The following RHOBTB1 variants were observed in gnomAD, a reference collection of about 807,000 sequenced individuals.
The protein encoded by RHOBTB1 is rho-related BTB domain-containing protein 1.
RHOBTB1 carries 40 observed loss-of-function variants against 71.6 expected under a neutral mutation model. That is an observed-to-expected ratio of 0.56 (90% CI 0.43 to 0.73). RHOBTB1 has a LOEUF of 0.73. Among genes scored for constraint, RHOBTB1 ranks in the 30% least tolerant of loss-of-function variants. The pLI is 0.00. For synonymous variants in RHOBTB1, 319 were observed against 334.9 expected (o/e 0.95, Z 0.52); for missense variants, 797 against 894.0 (o/e 0.89, Z 1.38).
chr10:60,930,914 C>G (rs564916083), intron 2 of RHOBTB1, among the ~76,000 whole-genome samples: 16 of 152,056 alleles, frequency 1.1e-4, no homozygotes, highest in Admixed American at 9.8e-4. Flanking sequence ...GGGACCTGCC[C>G]TTTTTTAAGG....
intron 2 of RHOBTB1, among the ~76,000 whole-genome samples, chr10:60,929,716 T>C (rs964370448): frequency 1.1e-4 from 16 of 151,962 alleles, no homozygotes; most frequent in African/African-American, 3.9e-4. Flanking sequence ...AAAAAGCATA[T>C]AATAAAATGA....
intron 1 of RHOBTB1, among the ~76,000 whole-genome samples, chr10:60,989,364 A>G (rs930154407): frequency 1.6e-4 from 24 of 152,186 alleles, no homozygotes; most frequent in African/African-American, 5.3e-4. Context: ...TTCATTGCAT[A>G]AGTATATTTT....
intron 2 of RHOBTB1, among the ~76,000 whole-genome samples, chr10:60,978,804 T>C (rs1395666857): frequency 6.6e-6 from 1 of 152,182 alleles, no homozygotes; most frequent in Admixed American, 6.5e-5. Context: ...ACAAAACCTG[T>C]AATCCACTCA....
chr10:60,962,857 A>G (rs748152027), intron 2 of RHOBTB1, among the ~76,000 whole-genome samples: 2 of 152,114 alleles, frequency 1.3e-5, no homozygotes, highest in Non-Finnish European at 2.9e-5. Context: ...CAATACTGTG[A>G]TTTTACTACT....
At chr10:60,884,384 A>G (rs2081470233) in intron 7 of RHOBTB1, among the ~76,000 whole-genome samples, 1 of 152,202 alleles carries the variant, frequency 6.6e-6, no homozygotes, top group Non-Finnish European at 1.5e-5. Flanking sequence ...GGGTGGGTGT[A>G]CCCATGTTTT....
At chr10:60,892,573 A>C (rs1162931730) in intron 5 of RHOBTB1, among the ~76,000 whole-genome samples, 4 of 152,154 alleles carry the variant, frequency 2.6e-5, no homozygotes, top group East Asian at 3.9e-4. Flanking sequence ...TAATTAGAGA[A>C]TTTACTTCAA....
chr10:60,934,597 C>T (rs747066744), intron 2 of RHOBTB1, among the ~76,000 whole-genome samples: 8 of 152,290 alleles, frequency 5.3e-5, no homozygotes, highest in African/African-American at 1.2e-4. Context: ...TCTGATATAA[C>T]GGTTCATTGT....
intron 2 of RHOBTB1, among the ~76,000 whole-genome samples, chr10:60,916,173 T>G (rs948737411): frequency 1.3e-5 from 2 of 152,114 alleles, no homozygotes; most frequent in Non-Finnish European, 2.9e-5. Flanking sequence ...CTGTGTGAGG[T>G]CTAGAGTCTA....
intron 7 of RHOBTB1, among the ~76,000 whole-genome samples, chr10:60,884,105 G>A (rs1375123939): frequency 6.6e-6 from 1 of 152,168 alleles, no homozygotes; most frequent in African/African-American, 2.4e-5. Context: ...CTTTTGCTGG[G>A]GGGTTGGTTT....
At chr10:60,877,529 A>T (rs1331337249) in intron 8 of RHOBTB1, among the ~76,000 whole-genome samples, 1 of 152,234 alleles carries the variant, frequency 6.6e-6, no homozygotes, top group Admixed American at 6.5e-5. Flanking sequence ...TAAACAGTGC[A>T]TCTACTGCCT....
At chr10:60,976,705 T>C (rs1313334438) in intron 2 of RHOBTB1, among the ~76,000 whole-genome samples, 1 of 152,004 alleles carries the variant, frequency 6.6e-6, no homozygotes, top group African/African-American at 2.4e-5. Context: ...GTAGATCTAA[T>C]GTAATGGGTT....
chr10:60,989,074 T>A (rs2086768885), intron 1 of RHOBTB1, among the ~76,000 whole-genome samples: 1 of 152,210 alleles, frequency 6.6e-6, no homozygotes, highest in Admixed American at 6.5e-5. Context: ...CAAATATCAC[T>A]GTGAAAGGCT....
At chr10:60,950,127 C>G (rs1480632095) in intron 2 of RHOBTB1, among the ~76,000 whole-genome samples, 1 of 152,116 alleles carries the variant, frequency 6.6e-6, no homozygotes, top group Non-Finnish European at 1.5e-5. Context: ...GAGGAGGTAG[C>G]AAACAGTTTT....
Position 60,888,787 on chromosome 10 carries a change from T to C in RHOBTB1, c.881A>G (p.Asp294Gly). 6.2e-7 allele frequency: 1 copy of C among 1,614,136 alleles called. No individual in the cohort carries two copies. Among genetic ancestry groups the C allele is most frequent in the Non-Finnish European group, 8.5e-7 (1 of 1,180,026 alleles). The change falls in exon 6 of 11, where the codon GAT (aspartate) becomes GGT (glycine). Residue 294 changes from aspartate to glycine, a missense_variant. By Grantham distance (94) the Asp-to-Gly change is moderately conservative. Around this residue, in one of 2 missense-constraint regions of RHOBTB1, gnomAD observed 658 missense variants for 681.5 expected, o/e 0.97. Transcript: ENST00000337910. ...TTCTTCACATTCCATTAAAAACAGATCATAAAATTTGGAAGAAGAGGTAGC... is the reference window on the plus strand; with the variant it reads ...TTCTTCACATTCCATTAAAAACAGACCATAAAATTTGGAAGAAGAGGTAGC... ...YLATSSSKFYDLFLMECEESP... is the reference protein window; with the variant it reads ...YLATSSSKFYGLFLMECEESP...
intron 8 of RHOBTB1, among the ~76,000 whole-genome samples, chr10:60,875,552 T>C (rs1314681437): frequency 6.6e-6 from 1 of 152,210 alleles, no homozygotes; most frequent in African/African-American, 2.4e-5. Context: ...GACACGTTCC[T>C]GTTTGACAGT....
chr10:60,976,328 T>C (rs1390620879), intron 2 of RHOBTB1, among the ~76,000 whole-genome samples: 2 of 151,510 alleles, frequency 1.3e-5, no homozygotes, highest in East Asian at 1.9e-4. Context: ...ATATTATATA[T>C]ATATTCTTTT....
chr10:60,930,394 C>T (rs2084172081), intron 2 of RHOBTB1, among the ~76,000 whole-genome samples: 1 of 152,120 alleles, frequency 6.6e-6, no homozygotes, highest in Admixed American at 6.6e-5. Context: ...TAAGTCTTAT[C>T]TATTAATATT....
chr10:60,966,340 A>C (rs1224348170), intron 2 of RHOBTB1, among the ~76,000 whole-genome samples: 1 of 151,846 alleles, frequency 6.6e-6, no homozygotes, highest in African/African-American at 2.4e-5. Context: ...TAAAATAGCA[A>C]GTTCTACCAT....
chr10:60,944,024 G>C lies in RHOBTB1; in HGVS notation c.-115C>G, dbSNP rs1053711367. On this transcript the variant is annotated 5_prime_UTR_variant, in exon 1 of 11. Transcript: ENST00000337910. Reference sequence around the variant, plus strand: ...TCCGCCTTCAAGGGCCGGGGGGAGCGGGGGGGCCCCCGCCACTCAGCAGCA... The same window carrying C: ...TCCGCCTTCAAGGGCCGGGGGGAGCCGGGGGGCCCCCGCCACTCAGCAGCA... 6 of 151,532 alleles carry C rather than the reference G, an allele frequency of 4.0e-5. No homozygotes were observed. The highest frequency in any genetic ancestry group is 6.6e-5 in the Admixed American group (1 of 15,204). 9.4% of individuals were successfully genotyped at this position (151,532 alleles called of 1,614,324 possible).
Sources: gnomAD v4.1 joint callset for allele counts (sites outside exome capture counted in the v4.1 genomes callset) on GRCh38, gnomAD v4.1.1 for gene constraint, gnomAD v4.1.1 regional missense constraint, MANE v1.5 for transcripts, NCBI Gene and HGNC (gene_info 2026-07-23, HGNC 2026-07-21) for gene names.